Variants in ANKRD62 observed in about 807,000 individuals in gnomAD.
The protein encoded by ANKRD62 is ankyrin repeat domain 62.
Under a neutral mutation model 98.8 loss-of-function variants are expected in ANKRD62, and 61 were observed. That is an observed-to-expected ratio of 0.62 (90% CI 0.50 to 0.76). ANKRD62 has a LOEUF of 0.76. Ranked by LOEUF, ANKRD62 falls within the 30% of genes least tolerant of loss-of-function variation. The pLI, the probability that ANKRD62 is intolerant of heterozygous loss-of-function variation, is 0.00. For missense variants in ANKRD62, 933 were observed against 1,082.9 expected (o/e 0.86, Z 1.94); for synonymous variants, 341 against 367.9 (o/e 0.93, Z 0.84).
the ANKRD62 span, among the ~76,000 whole-genome samples, chr18:12,150,183 A>T: frequency 6.6e-6 from 1 of 152,192 alleles, no homozygotes; most frequent in Admixed American, 6.5e-5. Flanking sequence ...CAGGAGAATA[A>T]ATCTAGCTGA....
the ANKRD62 span, among the ~76,000 whole-genome samples, chr18:12,136,949 C>G: frequency 6.6e-6 from 1 of 152,152 alleles, no homozygotes; most frequent in Non-Finnish European, 1.5e-5. Flanking sequence ...AGATTTTGGG[C>G]TGAGATGATG....
the ANKRD62 span, among the ~76,000 whole-genome samples, chr18:12,160,490 C>A: frequency 7.9e-5 from 12 of 152,218 alleles, no homozygotes; most frequent in East Asian, 2.1e-3. Context: ...AGTAAATCAA[C>A]AGGGGGCAAG....
chr18:12,168,875 G>C, the ANKRD62 span, among the ~76,000 whole-genome samples: 1 of 152,110 alleles, frequency 6.6e-6, no homozygotes, highest in African/African-American at 2.4e-5. Context: ...GGATTCCTAG[G>C]TATTTTATTC....
At chr18:12,137,789 G>A in the ANKRD62 span, among the ~76,000 whole-genome samples, 1 of 152,008 alleles carries the variant, frequency 6.6e-6, no homozygotes, top group African/African-American at 2.4e-5. Context: ...TGTATGTGTT[G>A]AGGAATTTAT....
chr18:12,170,670 A>G, the ANKRD62 span, among the ~76,000 whole-genome samples: 1 of 152,138 alleles, frequency 6.6e-6, no homozygotes, highest in Non-Finnish European at 1.5e-5. Context: ...GCTGAGTTCA[A>G]GTCCTGGATA....
At position 12,099,696 on chromosome 18, in the gene ANKRD62, T is replaced by A; in HGVS notation, c.820+14T>A. ...ATAGCAATTCAGGTATGACTTCTGATAGTGAATTCCTCTCGATGGTCCTGT... is the reference window on the plus strand; with the variant it reads ...ATAGCAATTCAGGTATGACTTCTGAAAGTGAATTCCTCTCGATGGTCCTGT... On this transcript the variant is annotated intron_variant, in intron 6 of 13. Transcript: ENST00000587848. 2 of 1,419,092 alleles carry A rather than the reference T, an allele frequency of 1.4e-6. No individual in the cohort carries two copies. The highest frequency in any genetic ancestry group is 1.9e-6 in the Non-Finnish European group (2 of 1,070,828). 87.9% of individuals were successfully genotyped at this position (1,419,092 alleles called of 1,614,324 possible). A position where few individuals can be genotyped will look rare whatever the true frequency, so the allele number is the denominator to read the frequency against.
the ANKRD62 span, among the ~76,000 whole-genome samples, chr18:12,174,651 G>A: frequency 2.0e-5 from 3 of 152,140 alleles, no homozygotes; most frequent in Admixed American, 2.0e-4. Context: ...AATCTTTGAG[G>A]TTGCTGACCT....
the ANKRD62 span, among the ~76,000 whole-genome samples, chr18:12,168,897 A>G: frequency 2.0e-5 from 3 of 152,194 alleles, no homozygotes; most frequent in Non-Finnish European, 4.4e-5. Context: ...CTTTGAAGCA[A>G]CTGTGAATGG....
chr18:12,106,153 T>C (rs1568060262), intron 7 of ANKRD62, among the ~76,000 whole-genome samples: 1 of 152,210 alleles, frequency 6.6e-6, no homozygotes, highest in Non-Finnish European at 1.5e-5. Context: ...TGAAAACAAA[T>C]GTATATAGAT....
the ANKRD62 span, among the ~76,000 whole-genome samples, chr18:12,180,733 A>G: frequency 6.6e-6 from 1 of 152,120 alleles, no homozygotes; most frequent in African/African-American, 2.4e-5. Context: ...TCTTGTTGAA[A>G]TCTGAGCAGA....
downstream of ANKRD62, among the ~76,000 whole-genome samples, chr18:12,130,080 A>G (rs1391918366): frequency 6.6e-6 from 1 of 152,226 alleles, no homozygotes; most frequent in Non-Finnish European, 1.5e-5. Flanking sequence ...GGAGAATTGT[A>G]TCAGTTAAGA....
chr18:12,172,216 A>T, the ANKRD62 span, among the ~76,000 whole-genome samples: 1 of 152,032 alleles, frequency 6.6e-6, no homozygotes, highest in Admixed American at 6.5e-5. Context: ...GAGAAGAGGC[A>T]CTCTGATTTT....
chr18:12,110,940 TG>T (rs765775606), intron 8 of ANKRD62, among the ~76,000 whole-genome samples: 16 of 152,180 alleles, frequency 1.1e-4, no homozygotes, highest in Non-Finnish European at 1.6e-4. Context: ...ATCCCTGTGA[TG>T]CAAGGTTGTT....
Position 12,103,202 on chromosome 18 carries a change from G to C in ANKRD62, c.865G>C (p.Glu289Gln). The change falls in exon 7 of 14, where the codon GAA becomes CAA. Residue 289 changes from glutamate to glutamine, a missense_variant. This residue lies in a region of ANKRD62 where 549 missense variants were observed against 587.9 expected (regional missense o/e 0.93). Transcript: ENST00000587848. ...ATCAGAGGGAGAGCAAGAAAGGCTTGAAGGATGTGAAAGTAGCCAGCCACA... is the reference window on the plus strand; with the variant it reads ...ATCAGAGGGAGAGCAAGAAAGGCTTCAAGGATGTGAAAGTAGCCAGCCACA... The part of the protein sequence containing the change: ...MTSEGEQERL[E>Q]GCESSQPQVE... 7.3e-7 allele frequency: 1 copy of C among 1,363,902 alleles called. No individual in the cohort carries two copies. Among genetic ancestry groups the C allele is most frequent in the Non-Finnish European group, 9.5e-7 (1 of 1,049,706 alleles). 84.5% of individuals were successfully genotyped at this position (1,363,902 alleles called of 1,614,324 possible).
chr18:12,171,289 C>G, the ANKRD62 span, among the ~76,000 whole-genome samples: 1 of 152,200 alleles, frequency 6.6e-6, no homozygotes, highest in Non-Finnish European at 1.5e-5. Flanking sequence ...TTGTTCCTTT[C>G]CATGTTTAGT....
At chr18:12,175,737 T>G in the ANKRD62 span, among the ~76,000 whole-genome samples, 1 of 151,892 alleles carries the variant, frequency 6.6e-6, no homozygotes, top group African/African-American at 2.4e-5. Context: ...TGACTTAAAA[T>G]TAGTGGAATG....
At chr18:12,120,768 T>C (rs1909766973) in intron 10 of ANKRD62, among the ~76,000 whole-genome samples, 1 of 152,212 alleles carries the variant, frequency 6.6e-6, no homozygotes, top group African/African-American at 2.4e-5. Context: ...ATATTTCTTT[T>C]TTGGTTTTTT....
the ANKRD62 span, among the ~76,000 whole-genome samples, chr18:12,175,335 G>A: frequency 6.6e-6 from 1 of 152,066 alleles, no homozygotes; most frequent in East Asian, 1.9e-4. Context: ...CGCTGGCTGT[G>A]TGCCCACCAA....
At chr18:12,132,842 A>AT (rs1568068641), downstream of ANKRD62, among the ~76,000 whole-genome samples, 1 of 152,038 alleles carries the variant, frequency 6.6e-6, no homozygotes, top group African/African-American at 2.4e-5. Context: ...TTTTTCTTGA[A>AT]TTTTTTAGTT....
Sources: allele counts gnomAD v4.1 joint callset (sites outside exome capture counted in the v4.1 genomes callset), GRCh38; gene constraint gnomAD v4.1.1; regional missense constraint gnomAD v4.1.1; transcripts MANE v1.5; gene names NCBI Gene and HGNC (gene_info 2026-07-23, HGNC 2026-07-21).